ZMYND8: variants seen among roughly 807,000 people sequenced by gnomAD.
ZMYND8 encodes MYND-type zinc finger-containing chromatin reader ZMYND8.
ZMYND8 carries 37 observed loss-of-function variants against 140.8 expected under a neutral mutation model. The observed-to-expected ratio is 0.26, with a 90% CI of 0.20 to 0.35. The LOEUF (loss-of-function observed/expected upper bound fraction) is 0.35. ZMYND8 is among the 10% of genes least tolerant of loss of function. The probability of loss-of-function intolerance (pLI) is 1.00; values close to 1 mark genes in which losing one functional copy is unlikely to be tolerated. For synonymous variants in ZMYND8, 592 were observed against 597.1 expected (o/e 0.99, Z 0.12); for missense variants, 1,068 against 1,570.0 (o/e 0.68, Z 5.40).
chr20:47,249,375 A>T lies in ZMYND8; in HGVS notation c.1686T>A (p.Pro562=). Residue 562 remains proline, a synonymous_variant, in exon 13 of 23, where the codon CCT becomes CCA. Coordinates refer to ENST00000471951, the MANE Select transcript of ZMYND8 (RefSeq NM_001281775.3). The stretch of plus-strand genomic sequence containing the variant: ...GGCGCTTGGGAGAGATGAGAGGAAC[A>T]GGGGTGGACTGTTGCTGGACCGACT... ...LSESVQQQST[P]VPLISPKRQI... 6.2e-7 allele frequency: 1 copy of T among 1,614,180 alleles called. No homozygotes were observed. Among genetic ancestry groups the T allele is most frequent in the Non-Finnish European group, 8.5e-7 (1 of 1,180,028 alleles).
intron 12 of ZMYND8, among the ~76,000 whole-genome samples, chr20:47,251,798 G>A (rs891093423): frequency 7.2e-6 from 1 of 139,742 alleles, no homozygotes; most frequent in Non-Finnish European, 1.5e-5. Flanking sequence ...CCCGGCCGCC[G>A]CACCGTCTGG....
chr20:47,328,610 C>T (rs1026762005), intron 2 of ZMYND8, among the ~76,000 whole-genome samples: 7 of 152,122 alleles, frequency 4.6e-5, no homozygotes, highest in Admixed American at 4.6e-4. Context: ...ATTACAGGCG[C>T]GTGCCACCAC....
intron 1 of ZMYND8, chr20:47,351,958 G>A: frequency 2.0e-6 from 2 of 985,392 alleles, no homozygotes; most frequent in South Asian, 9.4e-5. Flanking sequence ...GCAATGACAG[G>A]GAGAGTTTGT....
chr20:47,265,734 C>T (rs752065589), intron 11 of ZMYND8, among the ~76,000 whole-genome samples: 2 of 152,148 alleles, frequency 1.3e-5, no homozygotes, highest in Admixed American at 6.5e-5. Flanking sequence ...TGAGCCATCA[C>T]GCCCAGCCTA....
At chr20:47,233,808 G>C (rs771885177) in intron 16 of ZMYND8, among the ~76,000 whole-genome samples, 1 of 152,174 alleles carries the variant, frequency 6.6e-6, no homozygotes, top group Non-Finnish European at 1.5e-5. Flanking sequence ...CATACAAAAA[G>C]TGCTTAGGAC....
intron 12 of ZMYND8, among the ~76,000 whole-genome samples, chr20:47,251,343 T>TCGGAGG (rs1165586185): frequency 6.6e-6 from 1 of 151,824 alleles, no homozygotes; most frequent in Non-Finnish European, 1.5e-5. Flanking sequence ...CCCAGCACTT[T>TCGGAGG]CGGAGGCAGA....
intron 10 of ZMYND8, among the ~76,000 whole-genome samples, chr20:47,277,685 TTA>T (rs1236588057): frequency 6.6e-6 from 1 of 150,994 alleles, no homozygotes; most frequent in Non-Finnish European, 1.5e-5. Flanking sequence ...ATTTATTTAT[TTA>T]TTTGAGACAG....
intron 8 of ZMYND8, chr20:47,285,628 C>T (rs938723595): frequency 2.1e-6 from 2 of 947,970 alleles, no homozygotes; most frequent in Middle Eastern, 5.4e-4. Context: ...ATGTTCACAG[C>T]CTCATAGTAG....
chr20:47,221,301 G>C lies in ZMYND8; in HGVS notation c.3417+13C>G, dbSNP rs1281873591. The stretch of plus-strand genomic sequence containing the variant: ...GTAGATGTCACTAGCCAAAGGCATG[G>C]GGGGATCCTCACCGAGCCACTCTCC... On this transcript the variant is annotated intron_variant, in intron 20 of 22. Transcript: ENST00000471951. The C allele has an allele frequency of 2.5e-6, 4 of 1,613,576 alleles. No homozygotes were observed. In the African/African-American group the frequency reaches 4.0e-5, roughly 16 times the overall value.
Position 47,221,399 on chromosome 20 carries a change from G to A in ZMYND8, c.3332C>T (p.Ser1111Leu), listed in dbSNP as rs200662694. Residue 1111 changes from serine to leucine, a missense_variant, in exon 20 of 23, where the codon TCG (serine) becomes TTG (leucine). Physicochemically the swap from Ser to Leu is moderately radical, Grantham distance 145. Coordinates refer to ENST00000471951, the MANE Select transcript of ZMYND8 (RefSeq NM_001281775.3). Reference sequence around the variant, plus strand: ...TTCTGAAGGTGCTGATTGTGTGCTCGAGGAGCTCCCCTGGGAGGACTTATT... The same window carrying A: ...TTCTGAAGGTGCTGATTGTGTGCTCAAGGAGCTCCCCTGGGAGGACTTATT... ...TLNKSSQGSS[S>L]STQSAPSETA... 7.2e-5 allele frequency: 116 copies of A among 1,614,158 alleles called. No homozygotes were observed. The highest frequency in any genetic ancestry group is 1.9e-4 in the African/African-American group (14 of 75,036).
At chr20:47,332,298 G>A (rs574286431) in intron 2 of ZMYND8, among the ~76,000 whole-genome samples, 1 of 151,620 alleles carries the variant, frequency 6.6e-6, no homozygotes, top group African/African-American at 2.4e-5. Context: ...GCAATATAGT[G>A]AGACTCAATC....
chr20:47,253,942 C>G (rs1053694255), intron 12 of ZMYND8, among the ~76,000 whole-genome samples: 1 of 152,214 alleles, frequency 6.6e-6, no homozygotes, highest in Non-Finnish European at 1.5e-5. Context: ...GAATAAACCA[C>G]CAAATGGCTA....
chr20:47,286,233 AG>A (rs2076915941), intron 8 of ZMYND8, among the ~76,000 whole-genome samples: 1 of 149,250 alleles, frequency 6.7e-6, no homozygotes, highest in Non-Finnish European at 1.5e-5. Context: ...TCTGGAGTGT[AG>A]TGGTGCTATC....
chr20:47,276,213 C>T (rs1226381417), intron 11 of ZMYND8, 101 bp downstream of exon 11: 53 of 1,408,046 alleles, frequency 3.8e-5, no homozygotes, highest in Non-Finnish European at 4.6e-5. Context: ...CAGTTCCCCA[C>T]GATTGCTTGA....
intron 8 of ZMYND8, among the ~76,000 whole-genome samples, chr20:47,284,097 A>G (rs1303102936): frequency 6.6e-6 from 1 of 152,002 alleles, no homozygotes; most frequent in African/African-American, 2.4e-5. Context: ...TAATTTTTGT[A>G]TTTTTAGTAG....
At chr20:47,296,559 G>T (rs1378887425) in intron 4 of ZMYND8, among the ~76,000 whole-genome samples, 1 of 152,092 alleles carries the variant, frequency 6.6e-6, no homozygotes, top group Non-Finnish European at 1.5e-5. Context: ...AAAGAGTCTG[G>T]CTCTGAATAA....
chr20:47,229,074 C>CA (rs1182890472), intron 17 of ZMYND8, among the ~76,000 whole-genome samples: 1 of 151,620 alleles, frequency 6.6e-6, no homozygotes, highest in Admixed American at 6.6e-5. Flanking sequence ...CAACTTACTG[C>CA]AGCCTCAAAC....
chr20:47,223,826 C>CAA (rs750139299), intron 19 of ZMYND8, among the ~76,000 whole-genome samples: 119 of 106,240 alleles, frequency 1.1e-3, no homozygotes, highest in African/African-American at 2.3e-3. Flanking sequence ...AACTCTGTCT[C>CAA]AAAAAAAAAA....
At chr20:47,322,785 A>G (rs965182374) in intron 2 of ZMYND8, among the ~76,000 whole-genome samples, 24 of 152,210 alleles carry the variant, frequency 1.6e-4, no homozygotes, top group African/African-American at 5.3e-4. Context: ...AGACAAGCAG[A>G]TCGACACAGC....
Sources: gnomAD v4.1 joint callset for allele counts (sites outside exome capture counted in the v4.1 genomes callset) on GRCh38, gnomAD v4.1.1 for gene constraint, MANE v1.5 for transcripts, NCBI Gene and HGNC (gene_info 2026-07-23, HGNC 2026-07-21) for gene names.